The following TNIK variants were observed in gnomAD, a reference collection of about 807,000 sequenced individuals.
TNIK encodes the protein TRAF2 and NCK-interacting protein kinase.
Under a neutral mutation model 191.3 loss-of-function variants are expected in TNIK, and 49 were observed. The ratio of observed to expected loss-of-function variants is 0.26; its 90% CI spans 0.20 to 0.32. TNIK has a LOEUF of 0.32. TNIK is among the 10% of genes least tolerant of loss of function. The pLI is 1.00. For synonymous variants in TNIK, 594 were observed against 600.9 expected (o/e 0.99, Z 0.17); for missense variants, 1,155 against 1,702.3 (o/e 0.68, Z 5.66).
Position 171,460,099 on chromosome 3 carries a change from C to T in TNIK, c.-36G>A, listed in dbSNP as rs1318686371. 6.3e-7 allele frequency: 1 copy of T among 1,585,398 alleles called. No homozygotes were observed. The highest frequency in any genetic ancestry group is 8.6e-7 in the Non-Finnish European group (1 of 1,165,462). On this transcript the variant is annotated 5_prime_UTR_variant, in exon 1 of 33. The change creates a new upstream start codon in the 5' untranslated region. Transcript: ENST00000436636. This position sits in a 1 kb window ranked among gnomAD's most constrained non-coding sequence, Gnocchi z 6.8. ...TCGCTGGAGAAATGGACCAAAACCA[C>T]CCCGAAGCTTTTCCCTTGGAAATTC...
chr3:171,204,869 C>G (rs1739864403), intron 4 of TNIK, among the ~76,000 whole-genome samples: 2 of 152,110 alleles, frequency 1.3e-5, no homozygotes, highest in Non-Finnish European at 1.5e-5. Context: ...TGGAATCAGA[C>G]AGCTTGGGGT....
chr3:171,387,310 T>C (rs1037711343), intron 1 of TNIK, among the ~76,000 whole-genome samples: 1 of 152,152 alleles, frequency 6.6e-6, no homozygotes, highest in Non-Finnish European at 1.5e-5. Flanking sequence ...TCACTCTTAA[T>C]TACTGAATTC....
intron 2 of TNIK, among the ~76,000 whole-genome samples, chr3:171,283,918 A>G (rs1156449331): frequency 6.6e-6 from 1 of 152,236 alleles, no homozygotes; most frequent in African/African-American, 2.4e-5. Context: ...TCAGGTGGGT[A>G]TAATTTGGGG....
intron 23 of TNIK, among the ~76,000 whole-genome samples, chr3:171,089,867 A>G (rs1181154300): frequency 6.6e-6 from 1 of 152,158 alleles, no homozygotes; most frequent in Non-Finnish European, 1.5e-5. Context: ...TCCATCAATT[A>G]TCTTGCCCTG....
intron 2 of TNIK, among the ~76,000 whole-genome samples, chr3:171,236,149 C>CA (rs34456921): frequency 0.31 from 46,966 of 151,964 alleles, 7,813 homozygotes; most frequent in Middle Eastern, 0.44. Context: ...GGGTAGGTGC[C>CA]AAATCACACT....
intron 2 of TNIK, among the ~76,000 whole-genome samples, chr3:171,276,626 T>C (rs1177784013): frequency 6.6e-6 from 1 of 152,208 alleles, no homozygotes; most frequent in Non-Finnish European, 1.5e-5. Context: ...TTGATAAAGC[T>C]TAAAGACTTA....
chr3:171,447,322 AC>A (rs1727638455), intron 1 of TNIK, among the ~76,000 whole-genome samples: 1 of 149,212 alleles, frequency 6.7e-6, no homozygotes, highest in African/African-American at 2.6e-5. Flanking sequence ...AAAAAAAAAC[AC>A]GTTATAATCT....
intron 28 of TNIK, among the ~76,000 whole-genome samples, chr3:171,078,273 A>G (rs1158178573): frequency 6.6e-6 from 1 of 152,060 alleles, no homozygotes; most frequent in Non-Finnish European, 1.5e-5. Flanking sequence ...TTCATTTCAT[A>G]TTCTCTAAAA....
intron 2 of TNIK, among the ~76,000 whole-genome samples, chr3:171,297,080 G>A (rs1370375408): frequency 6.6e-6 from 1 of 152,114 alleles, no homozygotes; most frequent in African/African-American, 2.4e-5. Flanking sequence ...CAAGATCCTA[G>A]GTATCTGGAC....
At chr3:171,372,767 G>T (rs1353019) in intron 1 of TNIK, among the ~76,000 whole-genome samples, 128,345 of 152,176 alleles carry the variant, frequency 0.84, 54,697 homozygotes, top group Non-Finnish European at 0.91. Flanking sequence ...GAGTGCCTCA[G>T]CAGTGGAGAA....
At chr3:171,337,951 C>T (rs1405052752) in intron 2 of TNIK, among the ~76,000 whole-genome samples, 1 of 152,094 alleles carries the variant, frequency 6.6e-6, no homozygotes, top group Non-Finnish European at 1.5e-5. Flanking sequence ...TGTCTTATAC[C>T]ATCCTAGCAT....
intron 2 of TNIK, chr3:171,346,789 G>C (rs1373738944): frequency 6.0e-6 from 1 of 165,402 alleles, no homozygotes; most frequent in Non-Finnish European, 1.3e-5. Flanking sequence ...TGTGTAAAGA[G>C]AAAGCAGTAT....
At chr3:171,356,150 C>A (rs908840562) in intron 2 of TNIK, among the ~76,000 whole-genome samples, 1 of 152,054 alleles carries the variant, frequency 6.6e-6, no homozygotes, top group Non-Finnish European at 1.5e-5. Context: ...AAACATTTAT[C>A]AAGCTCCAGT....
In TNIK at chr3:171,108,032, G is replaced by T. The variant is rs375045679; in HGVS notation, c.2382+33C>A. 666 of 1,547,644 alleles carry T rather than the reference G, an allele frequency of 4.3e-4. 1 individual carries two copies. The highest frequency in any genetic ancestry group is 5.4e-4 in the Non-Finnish European group (621 of 1,143,760). The stretch of plus-strand genomic sequence containing the variant: ...TCCTGTGGGTTCTCTGGTAAATTAA[G>T]AGTTCAAAACTCTTGGAGAGAAAAG... On this transcript the variant is annotated intron_variant, in intron 20 of 32. Coordinates refer to ENST00000436636, the MANE Select transcript of TNIK (RefSeq NM_015028.4).
chr3:171,403,312 G>A (rs1021004552), intron 1 of TNIK, among the ~76,000 whole-genome samples: 3 of 152,192 alleles, frequency 2.0e-5, no homozygotes, highest in African/African-American at 7.2e-5. Flanking sequence ...AAGAGCTTTT[G>A]TCTTAGAAAA....
At chr3:171,452,440 G>A (rs1728277379) in intron 1 of TNIK, among the ~76,000 whole-genome samples, 1 of 151,942 alleles carries the variant, frequency 6.6e-6, no homozygotes. Context: ...GCAATTTCTA[G>A]TCCAAACCAC....
At chr3:171,222,313 G>GCTCT (rs1246736232) in intron 3 of TNIK, among the ~76,000 whole-genome samples, 2 of 152,044 alleles carry the variant, frequency 1.3e-5, no homozygotes, top group Non-Finnish European at 2.9e-5. Flanking sequence ...AGTTTCTTGG[G>GCTCT]CTCTCTGCTG....
At chr3:171,438,182 C>T (rs1726260033) in intron 1 of TNIK, among the ~76,000 whole-genome samples, 1 of 152,184 alleles carries the variant, frequency 6.6e-6, no homozygotes, top group South Asian at 2.1e-4. Context: ...GATAGAAGAG[C>T]AATGAGTAGA....
chr3:171,382,455 A>G (rs1386453405), intron 1 of TNIK, among the ~76,000 whole-genome samples: 1 of 152,140 alleles, frequency 6.6e-6, no homozygotes, highest in African/African-American at 2.4e-5. Flanking sequence ...TCCTGACCTC[A>G]GGTAATCCCC....
Sources: allele counts gnomAD v4.1 joint callset (sites outside exome capture counted in the v4.1 genomes callset), GRCh38; gene constraint gnomAD v4.1.1; non-coding constraint Gnocchi (gnomAD v3.1); transcripts MANE v1.5; gene names NCBI Gene and HGNC (gene_info 2026-07-23, HGNC 2026-07-21).